UNG: variants seen among roughly 807,000 people sequenced by gnomAD.
UNG encodes uracil-DNA glycosylase.
UNG carries 34 observed loss-of-function variants against 36.5 expected under a neutral mutation model. That is an observed-to-expected ratio of 0.93 (90% CI 0.71 to 1.24). The LOEUF is 1.24. Ranked by LOEUF, UNG falls within the 50% of genes most tolerant of loss-of-function variation. UNG has a pLI of 0.00. For missense variants in UNG, 391 were observed against 397.6 expected, an observed-to-expected ratio of 0.98 and a Z score of 0.14; for synonymous variants, 172 against 157.8, an observed-to-expected ratio of 1.09 and a Z score of -0.67.
chr12:109,098,397 A>G (rs955444262), intron 1 of UNG, 35 bp from the exon 2 acceptor site: 1 of 1,601,950 alleles, frequency 6.2e-7, no homozygotes, highest in East Asian at 2.2e-5. Context: ...GGGCCGCTGC[A>G]GCTCTTGAGC....
In UNG at chr12:109,098,746, C is replaced by T. The variant is rs554239972; in HGVS notation, c.339+108C>T. 14 of 1,387,886 alleles carry T rather than the reference C, an allele frequency of 1.0e-5. No homozygotes were observed. The African/African-American group carries it at 2.0e-4, about 20-fold the overall frequency. The allele number at this position is 1,387,886 out of a possible 1,614,324, so 86.0% of individuals were successfully genotyped here. A position where few individuals can be genotyped will look rare whatever the true frequency, so the allele number is the denominator to read the frequency against. On this transcript the variant is annotated intron_variant, in intron 2 of 6. Coordinates refer to ENST00000242576, the MANE Select transcript of UNG (RefSeq NM_080911.3). ...CATGTTTCCGTAGGCTTAGGTTGTA[C>T]CCCCTTCAACCTCCTTTACTCACAA...
chr12:109,101,487 C>G (rs1479323855), intron 3 of UNG, among the ~76,000 whole-genome samples: 2 of 151,888 alleles, frequency 1.3e-5, no homozygotes, highest in Non-Finnish European at 1.5e-5. Context: ...GGGAGGATCC[C>G]TTGATCTCAG....
chr12:109,100,434 A>G (rs1235377371), intron 3 of UNG, among the ~76,000 whole-genome samples: 1 of 152,258 alleles, frequency 6.6e-6, no homozygotes, highest in Admixed American at 6.5e-5. Flanking sequence ...CATAGAAGTG[A>G]AATAGGTGAA....
chr12:109,100,937 G>A lies in UNG; in HGVS notation c.436-965G>A, dbSNP rs529984658. 3.3e-5 allele frequency among the ~76,000 whole-genome samples: 5 copies of A among 151,988 alleles called. No homozygotes were observed. In the South Asian group the frequency reaches 6.2e-4, roughly 19 times the overall value. On this transcript the variant is annotated intron_variant, in intron 3 of 6. Coordinates refer to ENST00000242576, the MANE Select transcript of UNG (RefSeq NM_080911.3). ...GGGCCCTGGATGGGAAGGACGAGGCGGCCTATGTTTCAACACCTCCCGTGA... is the reference window on the plus strand; with the variant it reads ...GGGCCCTGGATGGGAAGGACGAGGCAGCCTATGTTTCAACACCTCCCGTGA...
chr12:109,102,162 TGGA>T (rs55652362), intron 4 of UNG, among the ~76,000 whole-genome samples, 163 bp downstream of exon 4: 303 of 152,300 alleles, frequency 2.0e-3, no homozygotes, highest in African/African-American at 7.1e-3. Flanking sequence ...TTCTTTGTTG[TGGA>T]GGAGGAGAGG....
chr12:109,107,062 C>T (rs2042223454), intron 6 of UNG, among the ~76,000 whole-genome samples: 1 of 150,216 alleles, frequency 6.7e-6, no homozygotes, highest in Admixed American at 6.7e-5. Flanking sequence ...CAATAAGCTA[C>T]ACTATATAGC....
At chr12:109,098,742 T>A (rs2042154388) in intron 2 of UNG, 104 bp downstream of exon 2, 6 of 1,487,574 alleles carry the variant, frequency 4.0e-6, no homozygotes. Context: ...AGGCTTAGGT[T>A]GTACCCCCTT....
At chr12:109,107,850 T>G (rs1261306330) in intron 6 of UNG, among the ~76,000 whole-genome samples, 1 of 152,046 alleles carries the variant, frequency 6.6e-6, no homozygotes, top group East Asian at 1.9e-4. Flanking sequence ...GTGGCGAGAT[T>G]TTTTTGTTTT....
Position 109,110,069 on chromosome 12 carries a change from A to G in UNG, c.*100A>G, listed in dbSNP as rs1413917479. 1.2e-5 allele frequency: 18 copies of G among 1,539,932 alleles called. No individual in the cohort carries two copies. The African/African-American group carries it at 1.8e-4, about 15-fold the overall frequency. On this transcript the variant is annotated 3_prime_UTR_variant, in exon 7 of 7. Coordinates refer to ENST00000242576, the MANE Select transcript of UNG (RefSeq NM_080911.3). ...TCCTATTAATTCTTAAGTACTCTGC[A>G]TAAGGGGGAAAAGCTTCCAGAAAGC...
chr12:109,105,679 C>A (rs1368557), intron 6 of UNG, among the ~76,000 whole-genome samples: 2,841 of 152,338 alleles, frequency 0.019, 80 homozygotes, highest in African/African-American at 0.064. Context: ...CCAGCCAGAT[C>A]TATTACTGAC....
In UNG at chr12:109,098,535, C is replaced by A; in HGVS notation, c.236C>A (p.Ala79Asp). 1 of 1,613,084 alleles carries A rather than the reference C, an allele frequency of 6.2e-7. No homozygotes were observed. The highest frequency in any genetic ancestry group is 1.1e-5 in the South Asian group (1 of 91,056). ...EQLDRIQRNKAAALLRLAARN... is the reference protein window; with the variant it reads ...EQLDRIQRNKDAALLRLAARN... ...TTGGACCGGATCCAGAGGAACAAGGCCGCGGCCCTGCTCAGACTCGCGGCC... is the reference window on the plus strand; with the variant it reads ...TTGGACCGGATCCAGAGGAACAAGGACGCGGCCCTGCTCAGACTCGCGGCC... Residue 79 changes from alanine to aspartate, a missense_variant, in exon 2 of 7, where the codon GCC (alanine) becomes GAC (aspartate). Ala to Asp is a moderately radical substitution (Grantham distance 126). Coordinates refer to ENST00000242576, the MANE Select transcript of UNG (RefSeq NM_080911.3).
Position 109,102,849 on chromosome 12 carries a change from A to G in UNG, c.544A>G (p.Ile182Val), listed in dbSNP as rs545691651. ...GTGGCTTGCTTTCAGTTTGGAGAAC[A>G]TTTATAAAGAGTTGTCTACAGACAT... ...PVPPPPSLEN[I>V]YKELSTDIED... The change falls in exon 5 of 7, where the codon ATT becomes GTT. Residue 182 changes from isoleucine (I) to valine (V), a missense_variant. Physicochemically the swap from Ile to Val is conservative, Grantham distance 29 (BLOSUM62 3). Transcript: ENST00000242576. The G allele has an allele frequency of 1.1e-4, 175 of 1,612,786 alleles. 1 individual carries two copies. The South Asian group carries it at 1.9e-3, about 17-fold the overall frequency.
chr12:109,098,535 CCGCGGCCCTGCTCAGACT>C lies in UNG; in HGVS notation c.245_262del (p.Leu82_Ala87del). The stretch of plus-strand genomic sequence containing the variant: ...TTGGACCGGATCCAGAGGAACAAGG[CCGCGGCCCTGCTCAGACT>C]CGCGGCCCGCAACGTGCCCGTGGGC... On this transcript the variant is annotated inframe_deletion, in exon 2 of 7. Transcript: ENST00000242576. 1 of 1,613,084 alleles carries C rather than the reference CCGCGGCCCTGCTCAGACT, an allele frequency of 6.2e-7. No homozygotes were observed. Among genetic ancestry groups the C allele is most frequent in the Non-Finnish European group, 8.5e-7 (1 of 1,179,954 alleles).
intron 6 of UNG, among the ~76,000 whole-genome samples, chr12:109,104,292 GTCC>G (rs1243293068): frequency 2.0e-5 from 3 of 151,410 alleles, no homozygotes; most frequent in East Asian, 2.0e-4. Context: ...CAAGCGATCT[GTCC>G]TCCTCAACCT....
chr12:109,099,791 G>C (rs149197671), intron 3 of UNG, among the ~76,000 whole-genome samples: 116 of 152,278 alleles, frequency 7.6e-4, no homozygotes, highest in Non-Finnish European at 1.4e-3. Context: ...TCAGAAGTTC[G>C]TGGGGCTGGG....
At chr12:109,106,577 C>T (rs1274593078) in intron 6 of UNG, among the ~76,000 whole-genome samples, 1 of 151,866 alleles carries the variant, frequency 6.6e-6, no homozygotes, top group African/African-American at 2.4e-5. Context: ...CAGTCATAAA[C>T]TGTATATATG....
intron 6 of UNG, 48 bp from the exon 7 acceptor site, chr12:109,109,781 A>AAAATT (rs1555265461): frequency 2.5e-6 from 4 of 1,576,428 alleles, no homozygotes; most frequent in African/African-American, 2.9e-5. Context: ...AAAAAAAAAA[A>AAAATT]TTTAAAAAGT....
chr12:109,104,374 G>T (rs1281809969), intron 6 of UNG, among the ~76,000 whole-genome samples: 1 of 151,928 alleles, frequency 6.6e-6, no homozygotes, highest in African/African-American at 2.4e-5. Flanking sequence ...TAACCCCAAG[G>T]TCTAATTGCA....
intron 6 of UNG, among the ~76,000 whole-genome samples, chr12:109,106,934 TAAAAA>T (rs1491570132): frequency 5.0e-5 from 2 of 39,904 alleles, no homozygotes; most frequent in African/African-American, 2.8e-4. Flanking sequence ...TATATATATA[TAAAAA>T]ATATTTTTAC....
Sources: gnomAD v4.1 joint callset for allele counts (sites outside exome capture counted in the v4.1 genomes callset) on GRCh38, gnomAD v4.1.1 for gene constraint, MANE v1.5 for transcripts, NCBI Gene and HGNC (gene_info 2026-07-23, HGNC 2026-07-21) for gene names.